The following ARSB variants were observed in gnomAD, a reference collection of about 807,000 sequenced individuals.
ARSB encodes N-acetylgalactosamine-4-sulfatase.
A neutral mutation model predicts 50.9 loss-of-function variants in ARSB; 41 were observed. The ratio of observed to expected loss-of-function variants is 0.81; its 90% CI spans 0.63 to 1.04. The LOEUF (loss-of-function observed/expected upper bound fraction) is 1.04. Ranked by LOEUF, ARSB falls within the 50% of genes least tolerant of loss-of-function variation. The pLI, the probability that ARSB is intolerant of heterozygous loss-of-function variation, is 0.00. For missense variants in ARSB, 672 were observed against 693.3 expected (o/e 0.97, Z 0.35); for synonymous variants, 269 against 284.8 (o/e 0.94, Z 0.56).
Position 78,794,166 on chromosome 5 carries a change from A to T in ARSB, c.1214-12192T>A, listed in dbSNP as rs201413258. 2.6e-5 allele frequency among the ~76,000 whole-genome samples: 4 copies of T among 152,164 alleles called. No individual in the cohort carries two copies. In the East Asian group the frequency reaches 7.7e-4, roughly 29 times the overall value. Reference sequence around the variant, plus strand: ...GGAGTCTGCTTCTCAGGCTTACTATAAGCTGGGTATAGGTGCTGTAGTGGA... The same window carrying T: ...GGAGTCTGCTTCTCAGGCTTACTATTAGCTGGGTATAGGTGCTGTAGTGGA... On this transcript the variant is annotated intron_variant, in intron 6 of 7. Coordinates refer to ENST00000264914, the MANE Select transcript of ARSB (RefSeq NM_000046.5).
In ARSB at chr5:78,969,138, G is replaced by A; in HGVS notation, c.367C>T (p.Pro123Ser). 1 of 1,614,132 alleles carries A rather than the reference G, an allele frequency of 6.2e-7. No individual in the cohort carries two copies. The highest frequency in any genetic ancestry group is 8.5e-7 in the Non-Finnish European group (1 of 1,180,018). The part of the protein sequence containing the change: ...IIWPCQPSCV[P>S]LDEKLLPQLL... ...TGGGGCAGGAGTTTTTCATCCAGAGGAACACAGCTGGGCTGACAGGGCCAG... is the reference window on the plus strand; with the variant it reads ...TGGGGCAGGAGTTTTTCATCCAGAGAAACACAGCTGGGCTGACAGGGCCAG... Residue 123 changes from proline (P) to serine (S), a missense_variant, in exon 2 of 8, where the codon CCT becomes TCT. Transcript: ENST00000264914.
Position 78,780,244 on chromosome 5 carries a change from G to T in ARSB, c.*153C>A. The T allele has an allele frequency of 1.0e-6, 1 of 955,288 alleles. No individual in the cohort carries two copies. Among genetic ancestry groups the T allele is most frequent in the Non-Finnish European group, 1.6e-6 (1 of 616,870 alleles). 59.2% of individuals were successfully genotyped at this position (955,288 alleles called of 1,614,324 possible). A position where few individuals can be genotyped will look rare whatever the true frequency, so the allele number is the denominator to read the frequency against. On this transcript the variant is annotated 3_prime_UTR_variant, in exon 8 of 8. Coordinates refer to ENST00000264914, the MANE Select transcript of ARSB (RefSeq NM_000046.5). ...TGCAGATTTTATCAGCTTCTTAAAT[G>T]CATTAGGGGTTGAAATTAGACACCT...
rs1748771008 is a variant in ARSB at position 78,900,859 on chromosome 5, G to T, written c.899-15032C>A. Among the ~76,000 whole-genome samples the T allele has an allele frequency of 4.6e-5, 7 of 152,012 alleles. No individual in the cohort carries two copies. In the East Asian group the frequency reaches 1.2e-3, roughly 25 times the overall value. ...TCGAGACCATCCTGGCTAACACAGT[G>T]AAGCCCGTCTCTACTAAAAATACAA... On this transcript the variant is annotated intron_variant, in intron 4 of 7. Transcript: ENST00000264914.
chr5:78,788,084 T>G (rs578094828), intron 6 of ARSB, among the ~76,000 whole-genome samples: 2 of 152,294 alleles, frequency 1.3e-5, no homozygotes, highest in South Asian at 4.1e-4. Flanking sequence ...GAGCCAAATA[T>G]TCCATCTATT....
intron 5 of ARSB, among the ~76,000 whole-genome samples, chr5:78,850,516 TTC>T (rs1470432230): frequency 6.6e-6 from 1 of 152,108 alleles, no homozygotes; most frequent in Non-Finnish European, 1.5e-5. Context: ...TGGTCTAAAA[TTC>T]TCTTTTTTGG....
At chr5:78,953,441 G>C (rs1218554403) in intron 4 of ARSB, among the ~76,000 whole-genome samples, 1 of 152,220 alleles carries the variant, frequency 6.6e-6, no homozygotes, top group Non-Finnish European at 1.5e-5. Flanking sequence ...CCATTATCAT[G>C]AGGATTCACT....
intron 5 of ARSB, among the ~76,000 whole-genome samples, chr5:78,847,369 C>T (rs1344670017): frequency 1.3e-5 from 2 of 152,124 alleles, no homozygotes; most frequent in African/African-American, 4.8e-5. Context: ...TCAAGTGATC[C>T]TCCTGCCTTG....
chr5:78,937,665 C>G (rs998641663), intron 4 of ARSB, among the ~76,000 whole-genome samples: 1 of 150,930 alleles, frequency 6.6e-6, no homozygotes, highest in African/African-American at 2.4e-5. Flanking sequence ...GCATTTTTTC[C>G]TTCGACTCTG....
chr5:78,927,462 C>T (rs1182020655), intron 4 of ARSB, among the ~76,000 whole-genome samples: 1 of 152,162 alleles, frequency 6.6e-6, no homozygotes, highest in African/African-American at 2.4e-5. Context: ...CTGAGCTCTT[C>T]CTGCCATTTT....
chr5:78,791,908 C>A (rs925387767), intron 6 of ARSB, among the ~76,000 whole-genome samples: 9 of 152,034 alleles, frequency 5.9e-5, no homozygotes, highest in African/African-American at 2.2e-4. Flanking sequence ...TTTTGGATGG[C>A]GCAGTGGTAT....
chr5:78,851,699 C>G (rs1745798033), intron 5 of ARSB, among the ~76,000 whole-genome samples: 1 of 152,154 alleles, frequency 6.6e-6, no homozygotes, highest in African/African-American at 2.4e-5. Flanking sequence ...GAGTCTAAGT[C>G]TCTTTGTAGG....
At chr5:78,950,592 G>A (rs1315380950) in intron 4 of ARSB, among the ~76,000 whole-genome samples, 1 of 152,208 alleles carries the variant, frequency 6.6e-6, no homozygotes, top group Non-Finnish European at 1.5e-5. Context: ...GAGATAGGAA[G>A]AGTCTGGGGT....
intron 6 of ARSB, among the ~76,000 whole-genome samples, chr5:78,808,632 A>T (rs2112656256): frequency 6.6e-6 from 1 of 152,064 alleles, no homozygotes; most frequent in South Asian, 2.1e-4. Flanking sequence ...TTGCACTTAC[A>T]CCTCCCCGCA....
At chr5:78,945,212 C>T (rs1302794906) in intron 4 of ARSB, among the ~76,000 whole-genome samples, 1 of 152,182 alleles carries the variant, frequency 6.6e-6, no homozygotes, top group African/African-American at 2.4e-5. Flanking sequence ...AATTCCCTGA[C>T]CCCTTGCGCT....
intron 4 of ARSB, among the ~76,000 whole-genome samples, chr5:78,931,174 C>T (rs866615995): frequency 1.5e-4 from 23 of 152,234 alleles, no homozygotes; most frequent in African/African-American, 5.5e-4. Context: ...AGGAGAACCC[C>T]ACACAAGGAG....
chr5:78,984,418 T>C (rs767290778), intron 1 of ARSB, among the ~76,000 whole-genome samples: 1 of 152,296 alleles, frequency 6.6e-6, no homozygotes, highest in Non-Finnish European at 1.5e-5. Context: ...AAAATCAACC[T>C]AGCATCAGGT....
intron 5 of ARSB, among the ~76,000 whole-genome samples, chr5:78,862,988 A>G (rs1447704314): frequency 6.6e-6 from 1 of 152,258 alleles, no homozygotes; most frequent in Non-Finnish European, 1.5e-5. Flanking sequence ...TTATGCAGCC[A>G]ACAGACGCAT....
In ARSB at chr5:78,780,437, C is replaced by T. The variant is rs1554069661; in HGVS notation, c.1562G>A (p.Cys521Tyr). Residue 521 changes from cysteine (C) to tyrosine (Y), a missense_variant, in exon 8 of 8, where the codon TGT becomes TAT. Cys to Tyr is a radical substitution (Grantham distance 194). Coordinates refer to ENST00000264914, the MANE Select transcript of ARSB (RefSeq NM_000046.5). The stretch of plus-strand genomic sequence containing the variant: ...CCACACCCCAGTGGCCTTGGGATCA[C>T]AGCGGGGGTCCTGTGCAGGGAAGTA... ...PVYFPAQDPR[C>Y]DPKATGVWGP... 1 of 1,614,146 alleles carries T rather than the reference C, an allele frequency of 6.2e-7. No individual in the cohort carries two copies. The highest frequency in any genetic ancestry group is 8.5e-7 in the Non-Finnish European group (1 of 1,180,020).
intron 6 of ARSB, among the ~76,000 whole-genome samples, chr5:78,797,091 G>A (rs1743213008): frequency 1.3e-5 from 2 of 152,122 alleles, no homozygotes; most frequent in South Asian, 4.1e-4. Context: ...TTTTAGCCGG[G>A]ATGGTCTCGA....
Sources: gnomAD v4.1 joint callset for allele counts (sites outside exome capture counted in the v4.1 genomes callset) on GRCh38, gnomAD v4.1.1 for gene constraint, MANE v1.5 for transcripts, NCBI Gene and HGNC (gene_info 2026-07-23, HGNC 2026-07-21) for gene names.